The following PAG1 variants were observed in gnomAD, a reference collection of about 807,000 sequenced individuals.
PAG1 encodes the protein phosphoprotein membrane anchor with glycosphingolipid microdomains 1, also known as phosphoprotein associated with glycosphingolipid-enriched microdomains 1.
Under a neutral mutation model 31.7 loss-of-function variants are expected in PAG1, and 23 were observed. That is an observed-to-expected ratio of 0.73 (90% confidence interval 0.52 to 1.03). The LOEUF (loss-of-function observed/expected upper bound fraction) is 1.03, where lower values mean the gene tolerates loss of function less well. PAG1 is among the 50% of genes least tolerant of loss of function. The pLI, the probability that PAG1 is intolerant of heterozygous loss-of-function variation, is 0.00. For missense variants in PAG1, 473 were observed against 540.7 expected (o/e 0.87, Z 1.24); for synonymous variants, 214 against 210.3 (o/e 1.02, Z -0.15).
intron 1 of PAG1, among the ~76,000 whole-genome samples, chr8:81,096,501 C>T (rs1186473221): frequency 2.0e-5 from 3 of 152,156 alleles, no homozygotes. Context: ...GGCCTCCCCT[C>T]TTTAATTCAG....
intron 2 of PAG1, among the ~76,000 whole-genome samples, chr8:81,067,990 A>G (rs111691967): frequency 0.049 from 7,487 of 152,194 alleles, 344 homozygotes; most frequent in African/African-American, 0.12. Context: ...TCTGCCTCCT[A>G]GGCTCAAGCA....
At chr8:80,978,395 C>T (rs1807227426) in intron 8 of PAG1, among the ~76,000 whole-genome samples, 1 of 152,116 alleles carries the variant, frequency 6.6e-6, no homozygotes, top group Non-Finnish European at 1.5e-5. Flanking sequence ...AATGTATTAT[C>T]TAAATGGTGG....
chr8:81,035,520 A>T (rs577919519), intron 2 of PAG1, among the ~76,000 whole-genome samples: 2 of 152,288 alleles, frequency 1.3e-5, no homozygotes, highest in Admixed American at 1.3e-4. Context: ...GCACAGAGAG[A>T]GTATAATTAG....
intron 1 of PAG1, among the ~76,000 whole-genome samples, chr8:81,093,848 T>C (rs1011262354): frequency 6.6e-6 from 1 of 152,226 alleles, no homozygotes; most frequent in Non-Finnish European, 1.5e-5. Context: ...ATCTACACTG[T>C]GACAATCATG....
chr8:81,093,977 G>C (rs535955055), intron 1 of PAG1, among the ~76,000 whole-genome samples: 38 of 152,256 alleles, frequency 2.5e-4, no homozygotes, highest in African/African-American at 8.9e-4. Flanking sequence ...TTCAAACTGG[G>C]TTCATGCCAG....
chr8:80,984,727 TA>T (rs748751216), intron 7 of PAG1, 48 bp downstream of exon 7: 17 of 1,560,648 alleles, frequency 1.1e-5, no homozygotes, highest in Non-Finnish European at 1.5e-5. Context: ...GCTAGATTCC[TA>T]ACCAGAACAG....
intron 2 of PAG1, among the ~76,000 whole-genome samples, chr8:81,048,970 A>G (rs1402658397): frequency 6.6e-6 from 1 of 152,212 alleles, no homozygotes; most frequent in Non-Finnish European, 1.5e-5. Flanking sequence ...TAGGACTACA[A>G]TACTTGTGAT....
intron 3 of PAG1, among the ~76,000 whole-genome samples, chr8:81,014,576 T>C (rs1006375257): frequency 6.6e-6 from 1 of 152,196 alleles, no homozygotes; most frequent in African/African-American, 2.4e-5. Flanking sequence ...TCTAATGACA[T>C]AAATCGTTGG....
chr8:80,989,736 G>T (rs745961888), intron 5 of PAG1, among the ~76,000 whole-genome samples: 10 of 152,126 alleles, frequency 6.6e-5, no homozygotes, highest in Non-Finnish European at 1.0e-4. Flanking sequence ...TAGGCCAGTG[G>T]CTCTCACACT....
intron 1 of PAG1, among the ~76,000 whole-genome samples, chr8:81,087,268 A>G (rs13261116): frequency 0.63 from 93,692 of 149,158 alleles, 30,570 homozygotes; most frequent in African/African-American, 0.82. Flanking sequence ...GCTTGAACCC[A>G]GGAGGTGGAG....
At chr8:81,003,123 CG>C (rs1314177565) in intron 3 of PAG1, among the ~76,000 whole-genome samples, 3 of 152,126 alleles carry the variant, frequency 2.0e-5, no homozygotes, top group East Asian at 3.9e-4. Context: ...CTCAGACACT[CG>C]GGGGTGGCGG....
chr8:80,999,403 T>G (rs1354645523), intron 3 of PAG1, among the ~76,000 whole-genome samples: 1 of 152,112 alleles, frequency 6.6e-6, no homozygotes, highest in Non-Finnish European at 1.5e-5. Context: ...GTTTATAGAT[T>G]CCTGAATCCT....
At chr8:81,108,233 T>C (rs915259867) in intron 1 of PAG1, among the ~76,000 whole-genome samples, 1 of 152,164 alleles carries the variant, frequency 6.6e-6, no homozygotes, top group Non-Finnish European at 1.5e-5. Context: ...AGGGGAACAC[T>C]TGAAATTAAC....
At chr8:81,072,468 A>G (rs1033232293) in intron 1 of PAG1, among the ~76,000 whole-genome samples, 9 of 152,244 alleles carry the variant, frequency 5.9e-5, no homozygotes, top group Admixed American at 2.0e-4. Context: ...ATGTCTCCAG[A>G]CTTCAACAAA....
At chr8:81,008,235 C>T (rs967876725) in intron 3 of PAG1, among the ~76,000 whole-genome samples, 4 of 152,084 alleles carry the variant, frequency 2.6e-5, no homozygotes, top group African/African-American at 9.7e-5. Context: ...ATATTTTAGA[C>T]CTTTCTCCAA....
chr8:80,987,977 C>G (rs1028998813), intron 5 of PAG1, among the ~76,000 whole-genome samples: 1 of 152,182 alleles, frequency 6.6e-6, no homozygotes, highest in African/African-American at 2.4e-5. Flanking sequence ...TGACTAGTCA[C>G]ATTTCAAGCG....
chr8:80,978,571 A>G (rs1183878835), intron 8 of PAG1, among the ~76,000 whole-genome samples: 1 of 152,192 alleles, frequency 6.6e-6, no homozygotes, highest in Non-Finnish European at 1.5e-5. Flanking sequence ...CACCACCGTT[A>G]GCTTCTCTCC....
At position 81,036,371 on chromosome 8, in the gene PAG1, T is replaced by C. The variant is rs1179119080; in HGVS notation, c.-174-6282A>G. 2.0e-5 allele frequency among the ~76,000 whole-genome samples: 3 copies of C among 152,156 alleles called. No individual in the cohort carries two copies. The East Asian group carries it at 5.8e-4, about 29-fold the overall frequency. On this transcript the variant is annotated intron_variant, in intron 2 of 8. Transcript: ENST00000220597. ...TGTCCAAATACTAAATGTTAGCAAT[T>C]TGATATACTTTTGGTAGAAAAAAAA...
intron 2 of PAG1, among the ~76,000 whole-genome samples, chr8:81,066,441 T>TCAGA (rs1159428893): frequency 2.6e-5 from 4 of 152,124 alleles, no homozygotes; most frequent in Non-Finnish European, 5.9e-5. Context: ...GTAACTCCTG[T>TCAGA]CAGACATCAT....
Sources: allele counts gnomAD v4.1 joint callset (sites outside exome capture counted in the v4.1 genomes callset), GRCh38; gene constraint gnomAD v4.1.1; transcripts MANE v1.5; gene names NCBI Gene and HGNC (gene_info 2026-07-23, HGNC 2026-07-21).